The following MARCHF11 variants were observed in gnomAD, a reference collection of about 807,000 sequenced individuals.
MARCHF11 encodes the protein membrane associated ring-CH-type finger 11.
Under a neutral mutation model 37.3 loss-of-function variants are expected in MARCHF11, and 29 were observed. The ratio of observed to expected loss-of-function variants is 0.78; its 90% CI spans 0.58 to 1.06. MARCHF11 has a LOEUF of 1.06. MARCHF11 is among the 50% of genes least tolerant of loss of function. The pLI is 0.00. For missense variants in MARCHF11, 482 were observed against 533.4 expected (o/e 0.90, Z 0.95); for synonymous variants, 233 against 228.0 (o/e 1.02, Z -0.20).
At chr5:16,130,283 A>ACAC in intron 2 of MARCHF11, among the ~76,000 whole-genome samples, 1 of 143,860 alleles carries the variant, frequency 7.0e-6, no homozygotes, top group African/African-American at 2.6e-5. Flanking sequence ...CACACACACA[A>ACAC]AAGATGTGTT....
rs1737619135 is a variant in MARCHF11 at position 16,136,934 on chromosome 5, T to A, written c.693+40792A>T. 2.6e-5 allele frequency among the ~76,000 whole-genome samples: 4 copies of A among 152,198 alleles called. No homozygotes were observed. In the South Asian group the frequency reaches 8.3e-4, roughly 32 times the overall value. ...ACTAAATAGATCTGTGAAGCTTTAATTACAAAAGTTATCTAATCTAAAAGA... is the reference window on the plus strand; with the variant it reads ...ACTAAATAGATCTGTGAAGCTTTAAATACAAAAGTTATCTAATCTAAAAGA... On this transcript the variant is annotated intron_variant, in intron 2 of 3. Transcript: ENST00000332432.
At chr5:16,105,262 G>C (rs1737018456) in intron 2 of MARCHF11, among the ~76,000 whole-genome samples, 1 of 152,226 alleles carries the variant, frequency 6.6e-6, no homozygotes, top group Non-Finnish European at 1.5e-5. Context: ...TCTTATGTGA[G>C]ATTTGGCAGC....
intron 3 of MARCHF11, among the ~76,000 whole-genome samples, chr5:16,074,253 G>A (rs1736479736): frequency 6.6e-6 from 1 of 152,080 alleles, no homozygotes; most frequent in Non-Finnish European, 1.5e-5. Context: ...CAGCCTAAGT[G>A]GTGCCAAGAG....
chr5:16,156,437 C>T (rs1737978758), intron 2 of MARCHF11, among the ~76,000 whole-genome samples: 1 of 151,842 alleles, frequency 6.6e-6, no homozygotes. Context: ...TTAATAGTGC[C>T]AATATTCATG....
At chr5:16,165,479 G>A (rs1423615260) in intron 2 of MARCHF11, among the ~76,000 whole-genome samples, 4 of 151,874 alleles carry the variant, frequency 2.6e-5, no homozygotes, top group East Asian at 1.9e-4. Context: ...ATATCCAGAC[G>A]ACCACATTAC....
Position 16,143,156 on chromosome 5 carries a change from T to C in MARCHF11, c.693+34570A>G, listed in dbSNP as rs529975895. The stretch of plus-strand genomic sequence containing the variant: ...TGTTCCTTCATTTCTTTACTGGCCC[T>C]TGGCTCTTCATTCTGTTTGAAGCCC... On this transcript the variant is annotated intron_variant, in intron 2 of 3. Coordinates refer to ENST00000332432, the MANE Select transcript of MARCHF11 (RefSeq NM_001102562.3). 1.5e-4 allele frequency among the ~76,000 whole-genome samples: 23 copies of C among 152,272 alleles called. 1 individual carries two copies. Among genetic ancestry groups the C allele is most frequent in the African/African-American group, 5.5e-4 (23 of 41,574 alleles).
intron 2 of MARCHF11, among the ~76,000 whole-genome samples, chr5:16,108,947 G>C (rs62350164): frequency 0.19 from 29,037 of 152,024 alleles, 2,921 homozygotes; most frequent in East Asian, 0.3. Flanking sequence ...ACAACCTTGA[G>C]ATGGAAAAAC....
intron 3 of MARCHF11, 71 bp from the exon 4 acceptor site, chr5:16,067,864 C>A (rs1736376406): frequency 3.8e-6 from 5 of 1,319,360 alleles, no homozygotes; most frequent in Non-Finnish European, 4.1e-6. Flanking sequence ...ATTTTGTATA[C>A]AAGTAAGGGA....
intron 3 of MARCHF11, among the ~76,000 whole-genome samples, chr5:16,071,141 G>A (rs145590855): frequency 4.9e-4 from 74 of 152,262 alleles, no homozygotes; most frequent in African/African-American, 1.6e-3. Context: ...TTGTCGCCTT[G>A]ACATTTCAGT....
Position 16,090,778 on chromosome 5 carries a change from C to A in MARCHF11, c.886+111G>T, listed in dbSNP as rs1054150079. 4 of 815,014 alleles carry A rather than the reference C, an allele frequency of 4.9e-6. No individual in the cohort carries two copies. The African/African-American group carries it at 7.2e-5, about 15-fold the overall frequency. 50.5% of individuals were successfully genotyped at this position (815,014 alleles called of 1,614,324 possible). A position where few individuals can be genotyped will look rare whatever the true frequency, so the allele number is the denominator to read the frequency against. ...CGCAGCTAATTCATTAACAGGAGAA[C>A]TGAGATAAGTCAATCCACAACATTC... On this transcript the variant is annotated intron_variant, in intron 3 of 3. Coordinates refer to ENST00000332432, the MANE Select transcript of MARCHF11 (RefSeq NM_001102562.3).
At chr5:16,170,834 G>C (rs191471991) in intron 2 of MARCHF11, among the ~76,000 whole-genome samples, 20 of 152,214 alleles carry the variant, frequency 1.3e-4, no homozygotes, top group Non-Finnish European at 2.8e-4. Context: ...AAGACATTCA[G>C]AAGGGAATAT....
rs116744566 is a variant in MARCHF11 at position 16,128,842 on chromosome 5, G to A, written c.694-37761C>T. Among the ~76,000 whole-genome samples, 539 of 152,216 alleles carry A rather than the reference G, an allele frequency of 3.5e-3. 2 individuals are homozygous for A. The highest frequency in any genetic ancestry group is 0.012 in the African/African-American group (514 of 41,552). The stretch of plus-strand genomic sequence containing the variant: ...AATGTATTCAATATTCAAAAATTTA[G>A]AAGAAAAATGTGAGCAAGCTTGGCC... On this transcript the variant is annotated intron_variant, in intron 2 of 3. Transcript: ENST00000332432.
chr5:16,103,689 T>C (rs1489461230), intron 2 of MARCHF11, among the ~76,000 whole-genome samples: 4 of 152,140 alleles, frequency 2.6e-5, no homozygotes, highest in Admixed American at 2.0e-4. Context: ...CTTTGACCAA[T>C]AGCATATGGC....
chr5:16,140,879 T>A (rs893753197), intron 2 of MARCHF11: 1 of 152,232 alleles, frequency 6.6e-6, no homozygotes, highest in Non-Finnish European at 1.5e-5. Context: ...TTTTCAGAAT[T>A]CTTAATAAAA....
chr5:16,100,357 A>G (rs983029751), intron 2 of MARCHF11, among the ~76,000 whole-genome samples: 2 of 152,218 alleles, frequency 1.3e-5, no homozygotes, highest in African/African-American at 4.8e-5. Flanking sequence ...GAACAAAGGT[A>G]AAACTGGCCC....
At chr5:16,132,455 C>T (rs770590123) in intron 2 of MARCHF11, among the ~76,000 whole-genome samples, 3 of 152,202 alleles carry the variant, frequency 2.0e-5, no homozygotes, top group Non-Finnish European at 4.4e-5. Context: ...GACCCTTCTA[C>T]AGTGCCTGAC....
chr5:16,118,391 A>G (rs148807844), intron 2 of MARCHF11, among the ~76,000 whole-genome samples: 3 of 152,056 alleles, frequency 2.0e-5, no homozygotes, highest in Non-Finnish European at 2.9e-5. Flanking sequence ...AGGTCATTCA[A>G]CTGGTTCCAA....
At chr5:16,114,458 T>G (rs1183151761) in intron 2 of MARCHF11, among the ~76,000 whole-genome samples, 1 of 152,236 alleles carries the variant, frequency 6.6e-6, no homozygotes, top group Non-Finnish European at 1.5e-5. Context: ...GCAGAGATTA[T>G]GTTTGCAGGT....
chr5:16,161,571 C>T lies in MARCHF11; in HGVS notation c.693+16155G>A, dbSNP rs192084926. Among the ~76,000 whole-genome samples the T allele has an allele frequency of 2.2e-4, 34 of 152,034 alleles. 1 individual carries two copies. In the East Asian group the frequency reaches 6.4e-3, roughly 29 times the overall value. On this transcript the variant is annotated intron_variant, in intron 2 of 3. Coordinates refer to ENST00000332432, the MANE Select transcript of MARCHF11 (RefSeq NM_001102562.3). ...TTTTGCAGAGGAAAGAATCTTCACCCTTCAAAACTCCTTTATATTCATATT... is the reference window on the plus strand; with the variant it reads ...TTTTGCAGAGGAAAGAATCTTCACCTTTCAAAACTCCTTTATATTCATATT...
Sources: allele counts gnomAD v4.1 joint callset (sites outside exome capture counted in the v4.1 genomes callset), GRCh38; gene constraint gnomAD v4.1.1; transcripts MANE v1.5; gene names NCBI Gene and HGNC (gene_info 2026-07-23, HGNC 2026-07-21).